Variants in MYH14 observed in about 807,000 individuals in gnomAD.
MYH14 encodes the protein myosin-14.
A neutral mutation model predicts 255.5 loss-of-function variants in MYH14; 123 were observed. The observed-to-expected ratio is 0.48, with a 90% CI of 0.42 to 0.56. MYH14 has a LOEUF of 0.56. Among genes scored for constraint, MYH14 ranks in the 20% least tolerant of loss-of-function variants. The probability of loss-of-function intolerance (pLI) is 0.00; values close to 1 mark genes in which losing one functional copy is unlikely to be tolerated. For missense variants in MYH14, 2,423 were observed against 2,802.3 expected (o/e 0.86, Z 3.06); for synonymous variants, 1,095 against 1,161.2 (o/e 0.94, Z 1.16).
At chr19:50,286,735 G>A in intron 34 of MYH14, 41 bp downstream of exon 34, 1 of 1,522,676 alleles carries the variant, frequency 6.6e-7, no homozygotes, top group East Asian at 2.4e-5. Flanking sequence ...CTGGGTGAGG[G>A]GAGACACGTA....
At chr19:50,251,539 C>CATATATATATACACACT (rs1568500589) in intron 15 of MYH14, among the ~76,000 whole-genome samples, 15 of 139,482 alleles carry the variant, frequency 1.1e-4, no homozygotes, top group African/African-American at 4.3e-4. Context: ...CACACACACA[C>CATATATATATACACACT]ACACACACAC....
chr19:50,290,827 C>A (rs1279477482), intron 35 of MYH14, 60 bp from the exon 36 acceptor site: 3 of 1,505,588 alleles, frequency 2.0e-6, no homozygotes, highest in Non-Finnish European at 2.7e-6. Context: ...ATGTCCCTAG[C>A]ACACAGAGGG....
rs1438019649 is a variant in MYH14 at position 50,276,746 on chromosome 19, C to T, written c.3681-11C>T. The T allele has an allele frequency of 4.3e-6, 7 of 1,613,200 alleles. No individual in the cohort carries two copies. Among genetic ancestry groups the T allele is most frequent in the Non-Finnish European group, 3.4e-6 (4 of 1,179,876 alleles). On this transcript the variant is annotated splice_polypyrimidine_tract_variant and intron_variant, in intron 28 of 42. Coordinates refer to ENST00000642316, the MANE Select transcript of MYH14 (RefSeq NM_001145809.2). The surrounding 1 kb of genome is among the most constrained non-coding windows in gnomAD (Gnocchi z 4.3). ...TGAAATTCCCATCCTCTCTCCTTTC[C>T]CCCAATAAAGGTCCAAGAGGGAACA... is the stretch of plus-strand genomic sequence containing the variant.
chr19:50,283,595 T>C (rs1025204982), intron 33 of MYH14, among the ~76,000 whole-genome samples: 1 of 152,244 alleles, frequency 6.6e-6, no homozygotes, highest in Non-Finnish European at 1.5e-5. Flanking sequence ...TTTCTAGTTA[T>C]GGATAAAACC....
At chr19:50,234,577 C>T (rs1323733603) in intron 10 of MYH14, among the ~76,000 whole-genome samples, 1 of 151,846 alleles carries the variant, frequency 6.6e-6, no homozygotes, top group East Asian at 1.9e-4. Flanking sequence ...CCCACCCCCA[C>T]CCCGCCGCAT....
chr19:50,301,749 A>C lies in MYH14; in HGVS notation c.5558A>C (p.Gln1853Pro), dbSNP rs367960257. The C allele has an allele frequency of 6.2e-7, 1 of 1,613,954 alleles. No individual in the cohort carries two copies. The change falls in exon 40 of 43, where the codon CAG (glutamine) becomes CCG (proline). Residue 1853 changes from glutamine (Q) to proline (P), a missense_variant. Gln to Pro is a moderately conservative substitution (Grantham distance 76). Transcript: ENST00000642316. ...SGRQQLERQIQELRGRLGEED... is the reference protein window; with the variant it reads ...SGRQQLERQIPELRGRLGEED... ...CGGCAGCAGCTGGAACGGCAGATCC[A>C]GGAGCTACGGGGACGCCTGGGTGAG...
Position 50,230,503 on chromosome 19 carries a change from C to T in MYH14, c.875-22C>T. The T allele has an allele frequency of 2.6e-6, 4 of 1,550,736 alleles. No homozygotes were observed. Among genetic ancestry groups the T allele is most frequent in the Non-Finnish European group, 3.5e-6 (4 of 1,146,446 alleles). On this transcript the variant is annotated intron_variant, in intron 8 of 42. Transcript: ENST00000642316. This position sits in a 1 kb window ranked among gnomAD's most constrained non-coding sequence, Gnocchi z 4.7. ...GTCGGGGCCGTCCCTTCCCCTCTAG[C>T]ACCTTGACTCGCTGTGTCCAGACCT...
At chr19:50,235,407 C>T (rs1046000248) in intron 10 of MYH14, among the ~76,000 whole-genome samples, 1 of 147,990 alleles carries the variant, frequency 6.8e-6, no homozygotes. Context: ...GGCCCCCCAG[C>T]TCCCTACCCT....
chr19:50,222,268 C>T (rs553123447), intron 3 of MYH14, among the ~76,000 whole-genome samples: 4 of 152,106 alleles, frequency 2.6e-5, no homozygotes, highest in East Asian at 1.9e-4. Flanking sequence ...ATCACGAGGT[C>T]AGGAGATCGA....
intron 19 of MYH14, among the ~76,000 whole-genome samples, chr19:50,260,335 G>GA (rs1293517574): frequency 6.6e-6 from 1 of 152,226 alleles, no homozygotes; most frequent in African/African-American, 2.4e-5. Context: ...TGAGGCAAGA[G>GA]AATCGCTTGA....
chr19:50,255,342 G>C, intron 17 of MYH14, 24 bp downstream of exon 17: 1 of 1,528,948 alleles, frequency 6.5e-7, no homozygotes, highest in Non-Finnish European at 8.9e-7. Context: ...TGCATCGATG[G>C]GTGAGGCTTG....
At chr19:50,244,155 G>A in intron 10 of MYH14, 87 bp from the exon 11 acceptor site, 1 of 1,198,434 alleles carries the variant, frequency 8.3e-7, no homozygotes. Flanking sequence ...TTTGCCTTAA[G>A]CTTTTTAAGT....
chr19:50,235,913 G>T (rs1427259862), intron 10 of MYH14, among the ~76,000 whole-genome samples: 1 of 152,054 alleles, frequency 6.6e-6, no homozygotes, highest in Non-Finnish European at 1.5e-5. Flanking sequence ...CAAAATAGAT[G>T]GACCTCATTC....
intron 12 of MYH14, among the ~76,000 whole-genome samples, chr19:50,248,072 AAAAAG>A (rs1320717318): frequency 2.0e-5 from 3 of 151,646 alleles, no homozygotes; most frequent in Non-Finnish European, 4.4e-5. Flanking sequence ...AAAAAAAAAA[AAAAAG>A]AAAAGAAAAA....
rs2034625343 is a variant in MYH14, at chr19:50,257,284, A to C, written c.2045-15A>C. The C allele has an allele frequency of 6.3e-7, 1 of 1,586,670 alleles. No homozygotes were observed. On this transcript the variant is annotated splice_polypyrimidine_tract_variant and intron_variant, in intron 17 of 42. Transcript: ENST00000642316. ...CTGACCTCCTTCTCTCTCTCTCTGC[A>C]TCTCCATCTGACAGTGGAGGGCATC...
In MYH14 at chr19:50,266,756, C is replaced by T. The variant is rs567984867; in HGVS notation, c.2695-121C>T. The T allele has an allele frequency of 1.3e-4, 170 of 1,325,872 alleles. No individual in the cohort carries two copies. The African/African-American group carries it at 2.1e-3, about 17-fold the overall frequency. The allele number at this position is 1,325,872 out of a possible 1,614,324, so 82.1% of individuals were successfully genotyped here. A position where few individuals can be genotyped will look rare whatever the true frequency, so the allele number is the denominator to read the frequency against. The stretch of plus-strand genomic sequence containing the variant: ...CTGTGACCAGGGACTGTTGCCAAGG[C>T]GGGGACACACAGCTAATAGGTGGAG... On this transcript the variant is annotated intron_variant, in intron 22 of 42. Transcript: ENST00000642316. This position sits in a 1 kb window ranked among gnomAD's most constrained non-coding sequence, Gnocchi z 4.1.
rs779215539 is a variant in MYH14, at chr19:50,225,619, C to T, written c.752C>T (p.Pro251Leu). 7 of 1,613,708 alleles carry T rather than the reference C, an allele frequency of 4.3e-6. No homozygotes were observed. The South Asian group carries it at 5.5e-5, about 13-fold the overall frequency. ...GAGCGGCAGCTGCTTCAGGCCAACC[C>T]CATCCTAGAGGCCTTTGGCAATGCC... ...ELERQLLQAN[P>L]ILEAFGNAKT... Residue 251 changes from proline to leucine, a missense_variant, in exon 7 of 43, where the codon CCC becomes CTC. By Grantham distance (98) the Pro-to-Leu change is moderately conservative. This residue lies in a region of MYH14 where 672 missense variants were observed against 881.8 expected (regional missense o/e 0.76). Transcript: ENST00000642316.
chr19:50,209,073 A>G (rs2031999561), intron 1 of MYH14, among the ~76,000 whole-genome samples: 1 of 152,180 alleles, frequency 6.6e-6, no homozygotes, highest in Non-Finnish European at 1.5e-5. Flanking sequence ...GACATGAATC[A>G]CCTGAGGCTG....
intron 13 of MYH14, 97 bp downstream of exon 13, chr19:50,249,236 C>A: frequency 7.3e-7 from 1 of 1,363,654 alleles, no homozygotes; most frequent in Non-Finnish European, 9.9e-7. Flanking sequence ...TGGTCTCTGT[C>A]CCCCTCTCTC....
Sources: allele counts gnomAD v4.1 joint callset (sites outside exome capture counted in the v4.1 genomes callset), GRCh38; gene constraint gnomAD v4.1.1; regional missense constraint gnomAD v4.1.1; non-coding constraint Gnocchi (gnomAD v3.1); transcripts MANE v1.5; gene names NCBI Gene and HGNC (gene_info 2026-07-23, HGNC 2026-07-21).